The following FUCA2 variants were observed in gnomAD, a reference collection of about 807,000 sequenced individuals.
The protein encoded by FUCA2 is plasma alpha-L-fucosidase.
In FUCA2, 41 loss-of-function variants were observed where a neutral mutation model predicts 52.6. The ratio of observed to expected loss-of-function variants is 0.78; its 90% confidence interval spans 0.61 to 1.01. The LOEUF is 1.01. Among genes scored for constraint, FUCA2 ranks in the 50% least tolerant of loss-of-function variants. FUCA2 has a pLI of 0.00. For missense variants in FUCA2, 507 were observed against 569.5 expected (o/e 0.89, Z 1.12); for synonymous variants, 211 against 217.3 (o/e 0.97, Z 0.26).
intron 6 of FUCA2, chr6:143,496,426 C>G (rs1026506582): frequency 3.9e-5 from 6 of 152,084 alleles, no homozygotes; most frequent in Admixed American, 3.9e-4. Context: ...CCAAAAAGAA[C>G]ATAGATAAAA....
Position 143,507,190 on chromosome 6 carries a change from C to T in FUCA2, c.412+47G>A, listed in dbSNP as rs775022597. The T allele has an allele frequency of 4.0e-6, 6 of 1,514,144 alleles. No individual in the cohort carries two copies. Among genetic ancestry groups the T allele is most frequent in the Non-Finnish European group, 5.3e-6 (6 of 1,125,330 alleles). 93.8% of individuals were successfully genotyped at this position (1,514,144 alleles called of 1,614,324 possible). A position where few individuals can be genotyped will look rare whatever the true frequency, so the allele number is the denominator to read the frequency against. ...TTTTTCTTCCAAAAGAACAACTTTT[C>T]ATTTCTTAACCATTGTCAGCAATTT... is the stretch of plus-strand genomic sequence containing the variant. On this transcript the variant is annotated intron_variant, in intron 2 of 6. Coordinates refer to ENST00000002165, the MANE Select transcript of FUCA2 (RefSeq NM_032020.5). This position sits in a 1 kb window ranked among gnomAD's most constrained non-coding sequence, Gnocchi z 4.5.
Position 143,502,183 on chromosome 6 carries a change from T to C in FUCA2, c.964-61A>G, listed in dbSNP as rs1780538404. ...AATAATTCCATCTTTAATGTGCTAA[T>C]ATGTTGCATTTATATATTTATACAT... On this transcript the variant is annotated intron_variant, in intron 4 of 6. Coordinates refer to ENST00000002165, the MANE Select transcript of FUCA2 (RefSeq NM_032020.5). The surrounding 1 kb of genome is among the most constrained non-coding windows in gnomAD (Gnocchi z 4.1). The C allele has an allele frequency of 2.8e-6, 4 of 1,409,808 alleles. No individual in the cohort carries two copies. The highest frequency in any genetic ancestry group is 3.9e-6 in the Non-Finnish European group (4 of 1,037,030). 87.3% of individuals were successfully genotyped at this position (1,409,808 alleles called of 1,614,324 possible).
chr6:143,502,219 T>C lies in FUCA2; in HGVS notation c.964-97A>G. The C allele has an allele frequency of 7.7e-7, 1 of 1,301,440 alleles. No individual in the cohort carries two copies. The highest frequency in any genetic ancestry group is 2.1e-5 in the Admixed American group (1 of 46,716). The allele number at this position is 1,301,440 out of a possible 1,614,324, so 80.6% of individuals were successfully genotyped here. A position where few individuals can be genotyped will look rare whatever the true frequency, so the allele number is the denominator to read the frequency against. ...TATATATTTATACATGTATATATAGTCACTGCCTAGAAGAACAAACACAGG... is the reference window on the plus strand; with the variant it reads ...TATATATTTATACATGTATATATAGCCACTGCCTAGAAGAACAAACACAGG... On this transcript the variant is annotated intron_variant, in intron 4 of 6. Coordinates refer to ENST00000002165, the MANE Select transcript of FUCA2 (RefSeq NM_032020.5). The surrounding 1 kb of genome is among the most constrained non-coding windows in gnomAD (Gnocchi z 4.1).
Position 143,500,788 on chromosome 6 carries a change from G to C in FUCA2, c.1154+1144C>G, listed in dbSNP as rs1235746222. 2.0e-5 allele frequency among the ~76,000 whole-genome samples: 3 copies of C among 152,090 alleles called. No homozygotes were observed. Among genetic ancestry groups the C allele is most frequent in the Non-Finnish European group, 4.4e-5 (3 of 68,012 alleles). On this transcript the variant is annotated intron_variant, in intron 5 of 6. Transcript: ENST00000002165. The surrounding 1 kb of genome is among the most constrained non-coding windows in gnomAD (Gnocchi z 6.9). ...TGTGAAGAGTAGTTCTGGGGACAGG[G>C]ACAGCAAGCCAGGGCTCTCTCAAAG...
At position 143,506,351 on chromosome 6, in the gene FUCA2, GTTTTTGTT is replaced by G. The variant is rs1321535756; in HGVS notation, c.412+878_412+885del. 3 of 151,858 alleles carry G rather than the reference GTTTTTGTT, an allele frequency of 2.0e-5. No individual in the cohort carries two copies. The East Asian group carries it at 5.8e-4, about 29-fold the overall frequency. 9.4% of individuals were successfully genotyped at this position (151,858 alleles called of 1,614,324 possible). A position where few individuals can be genotyped will look rare whatever the true frequency, so the allele number is the denominator to read the frequency against. On this transcript the variant is annotated intron_variant, in intron 2 of 6. Transcript: ENST00000002165. Reference sequence around the variant, plus strand: ...GACATACCACTACGCTAATTTTTTAGTTTTTGTTTGTTTGTTTGTTTTTGTAGAGACAG... The same window carrying G: ...GACATACCACTACGCTAATTTTTTAGTGTTTGTTTGTTTTTGTAGAGACAG...
rs369337491 is a variant in FUCA2 at position 143,504,481 on chromosome 6, T to C, written c.413-229A>G. 3 of 519,948 alleles carry C rather than the reference T, an allele frequency of 5.8e-6. No homozygotes were observed. The highest frequency in any genetic ancestry group is 6.9e-6 in the Non-Finnish European group (2 of 291,168). 32.2% of individuals were successfully genotyped at this position (519,948 alleles called of 1,614,324 possible). On this transcript the variant is annotated intron_variant, in intron 2 of 6. Coordinates refer to ENST00000002165, the MANE Select transcript of FUCA2 (RefSeq NM_032020.5). This position sits in a 1 kb window ranked among gnomAD's most constrained non-coding sequence, Gnocchi z 4.4. ...TTTTAAAAGCAACTTTCAGGGTATA[T>C]CACTGTACGGTCTGATCTATCTCCA...
In FUCA2 at chr6:143,510,211, C is replaced by T. The variant is rs1161818953; in HGVS notation, c.224+1200G>A. Among the ~76,000 whole-genome samples the T allele has an allele frequency of 6.6e-6, 1 of 151,996 alleles. No individual in the cohort carries two copies. Among genetic ancestry groups the T allele is most frequent in the African/African-American group, 2.4e-5 (1 of 41,364 alleles). On this transcript the variant is annotated intron_variant, in intron 1 of 6. Transcript: ENST00000002165. The surrounding 1 kb of genome is among the most constrained non-coding windows in gnomAD (Gnocchi z 4.4). ...CTACCCCTAGAGTAGAGCATGGTAC[C>T]ATGTATACTATGTAATGTTAATATA...
chr6:143,498,644 CAG>C (rs1312573098), intron 5 of FUCA2, among the ~76,000 whole-genome samples: 1 of 152,094 alleles, frequency 6.6e-6, no homozygotes, highest in Non-Finnish European at 1.5e-5. Flanking sequence ...CAGATAAGAT[CAG>C]AGAGGCGATA....
chr6:143,498,769 T>C (rs562801536), intron 5 of FUCA2, among the ~76,000 whole-genome samples: 24 of 152,272 alleles, frequency 1.6e-4, no homozygotes, highest in African/African-American at 5.5e-4. Context: ...TTTAAAAGTA[T>C]ACTCTGATTG....
rs746335288 is a variant in FUCA2, at chr6:143,495,731, A to G, written c.1380T>C (p.Ala460=). Residue 460 remains alanine, a synonymous_variant, in exon 7 of 7, where the codon GCT becomes GCC. Transcript: ENST00000002165. The surrounding 1 kb of genome is among the most constrained non-coding windows in gnomAD (Gnocchi z 5.2). ...IHQMPCKWGW[A]LALTNVI ...TTTAGATCACATTAGTCAGGGCTAG[A>G]GCCCAGCCCCATTTACACGGCATCT... The G allele has an allele frequency of 1.2e-6, 2 of 1,614,030 alleles. No individual in the cohort carries two copies. Among genetic ancestry groups the G allele is most frequent in the South Asian group, 2.2e-5 (2 of 91,066 alleles).
chr6:143,499,203 T>A lies in FUCA2; in HGVS notation c.1155-1706A>T, dbSNP rs558508893. Among the ~76,000 whole-genome samples, 1 of 152,200 alleles carries A rather than the reference T, an allele frequency of 6.6e-6. No homozygotes were observed. The highest frequency in any genetic ancestry group is 2.1e-4 in the South Asian group (1 of 4,812). On this transcript the variant is annotated intron_variant, in intron 5 of 6. Transcript: ENST00000002165. The surrounding 1 kb of genome is among the most constrained non-coding windows in gnomAD (Gnocchi z 6.0). ...TTCGGAAAGAGGTCTGCACTGGAAA[T>A]AGAAATGTGGAGATCATCAATATGG...
rs1018179676 is a variant in FUCA2 at position 143,495,480 on chromosome 6, A to G, written c.*227T>C. On this transcript the variant is annotated 3_prime_UTR_variant, in exon 7 of 7. Coordinates refer to ENST00000002165, the MANE Select transcript of FUCA2 (RefSeq NM_032020.5). This position sits in a 1 kb window ranked among gnomAD's most constrained non-coding sequence, Gnocchi z 5.2. The stretch of plus-strand genomic sequence containing the variant: ...ATTCTCACCTCTGAGTCACACATGG[A>G]AACAAATCAATGTGAAGAGACTTTA... 6 of 438,378 alleles carry G rather than the reference A, an allele frequency of 1.4e-5. No homozygotes were observed. Among genetic ancestry groups the G allele is most frequent in the Admixed American group, 3.7e-5 (1 of 26,878 alleles). 27.2% of individuals were successfully genotyped at this position (438,378 alleles called of 1,614,324 possible). A position where few individuals can be genotyped will look rare whatever the true frequency, so the allele number is the denominator to read the frequency against.
Position 143,504,240 on chromosome 6 carries a change from C to A in FUCA2, c.425G>T (p.Trp142Leu), listed in dbSNP as rs1415403048. 2 of 1,612,406 alleles carry A rather than the reference C, an allele frequency of 1.2e-6. No homozygotes were observed. The highest frequency in any genetic ancestry group is 8.5e-7 in the Non-Finnish European group (1 of 1,179,196). Residue 142 changes from tryptophan to leucine, a missense_variant, in exon 3 of 7, where the codon TGG becomes TTG. Transcript: ENST00000002165. This position sits in a 1 kb window ranked among gnomAD's most constrained non-coding sequence, Gnocchi z 4.4. ...CCAGTTCCACGAATATTCTGACCCCCACAAGGTAAAGCCTAGAAAATTATA... is the reference window on the plus strand; with the variant it reads ...CCAGTTCCACGAATATTCTGACCCCAACAAGGTAAAGCCTAGAAAATTATA... ...TSKHHEGFTL[W>L]GSEYSWNWNA...
rs1239394370 is a variant in FUCA2, at chr6:143,499,588, G to A, written c.1155-2091C>T. ...CCTCAGGGCACTTCAAGATTTAGAG[G>A]TTGGAAAAATGAGATGAAATCAGCA... On this transcript the variant is annotated intron_variant, in intron 5 of 6. Coordinates refer to ENST00000002165, the MANE Select transcript of FUCA2 (RefSeq NM_032020.5). The surrounding 1 kb of genome is among the most constrained non-coding windows in gnomAD (Gnocchi z 6.0). Among the ~76,000 whole-genome samples the A allele has an allele frequency of 6.6e-6, 1 of 152,254 alleles. No individual in the cohort carries two copies. Among genetic ancestry groups the A allele is most frequent in the African/African-American group, 2.4e-5 (1 of 41,550 alleles).
chr6:143,498,020 C>T (rs1340210287), intron 5 of FUCA2, among the ~76,000 whole-genome samples: 1 of 151,956 alleles, frequency 6.6e-6, no homozygotes, highest in African/African-American at 2.4e-5. Flanking sequence ...TGATAAGCAC[C>T]ATGAAAGAAA....
chr6:143,498,012 A>G (rs183155809), intron 5 of FUCA2, among the ~76,000 whole-genome samples: 6 of 152,312 alleles, frequency 3.9e-5, no homozygotes, highest in African/African-American at 9.6e-5. Flanking sequence ...GTGAGTTCTG[A>G]TAAGCACCAT....
rs758628368 is a variant in FUCA2, at chr6:143,502,434, A to C, written c.884T>G (p.Met295Arg). Residue 295 changes from methionine (M) to arginine (R), a missense_variant, in exon 4 of 7, where the codon ATG (methionine) becomes AGG (arginine). Physicochemically the swap from Met to Arg is moderately conservative, Grantham distance 91. Coordinates refer to ENST00000002165, the MANE Select transcript of FUCA2 (RefSeq NM_032020.5). The surrounding 1 kb of genome is among the most constrained non-coding windows in gnomAD (Gnocchi z 4.1). Reference protein sequence around the residue: ...HLLPHKWENCMTIDKLSWGYR... With the variant: ...HLLPHKWENCRTIDKLSWGYR... The stretch of plus-strand genomic sequence containing the variant: ...GCCCCAGGACAGTTTGTCTATTGTC[A>C]TGCAGTTTTCCCATTTATGTGGCAA... 3 of 1,613,980 alleles carry C rather than the reference A, an allele frequency of 1.9e-6. No homozygotes were observed. The highest frequency in any genetic ancestry group is 2.5e-6 in the Non-Finnish European group (3 of 1,180,000).
chr6:143,497,407 A>G lies in FUCA2; in HGVS notation c.1245T>C (p.Ala415=), dbSNP rs1416506233. The G allele has an allele frequency of 3.1e-6, 5 of 1,611,734 alleles. No homozygotes were observed. Among genetic ancestry groups the G allele is most frequent in the Non-Finnish European group, 4.2e-6 (5 of 1,177,940 alleles). ...CTCTTACCTCTGTTGCCCCCAGAAT[A>G]GCTTTGGGATGGCCAAGGAACAGCT... ...SGQLFLGHPK[A]ILGATEVKLL... Residue 415 remains alanine (A), a synonymous_variant, in exon 6 of 7, where the codon GCT becomes GCC. Transcript: ENST00000002165. The surrounding 1 kb of genome is among the most constrained non-coding windows in gnomAD (Gnocchi z 5.3).
In FUCA2 at chr6:143,499,326, G is replaced by C. The variant is rs1052380214; in HGVS notation, c.1155-1829C>G. Among the ~76,000 whole-genome samples the C allele has an allele frequency of 5.9e-5, 9 of 152,214 alleles. No individual in the cohort carries two copies. Among genetic ancestry groups the C allele is most frequent in the Admixed American group, 2.6e-4 (4 of 15,280 alleles). ...CCAGCACTTTGGGAGGCCAAGGCAAGCGGGTCACCTGAGGTCAGGAGTTCG... is the reference window on the plus strand; with the variant it reads ...CCAGCACTTTGGGAGGCCAAGGCAACCGGGTCACCTGAGGTCAGGAGTTCG... On this transcript the variant is annotated intron_variant, in intron 5 of 6. Coordinates refer to ENST00000002165, the MANE Select transcript of FUCA2 (RefSeq NM_032020.5). This position sits in a 1 kb window ranked among gnomAD's most constrained non-coding sequence, Gnocchi z 6.0.
Sources: allele counts gnomAD v4.1 joint callset (sites outside exome capture counted in the v4.1 genomes callset), GRCh38; gene constraint gnomAD v4.1.1; non-coding constraint Gnocchi (gnomAD v3.1); transcripts MANE v1.5; gene names NCBI Gene and HGNC (gene_info 2026-07-23, HGNC 2026-07-21).